Variants in ARHGEF38 observed in about 807,000 individuals in gnomAD.
ARHGEF38 encodes the protein Rho guanine nucleotide exchange factor 38, also known as Rho guanine nucleotide exchange factor (GEF) 38.
In ARHGEF38, 79 loss-of-function variants were observed where a neutral mutation model predicts 79.9. The observed-to-expected ratio is 0.99, with a 90% CI of 0.82 to 1.19. The LOEUF is 1.19. Among genes scored for constraint, ARHGEF38 ranks in the 50% most tolerant of loss-of-function variants. ARHGEF38 has a pLI of 0.00. For synonymous variants in ARHGEF38, 366 were observed against 328.3 expected, an observed-to-expected ratio of 1.11 and a Z score of -1.24; for missense variants, 962 against 907.2, an observed-to-expected ratio of 1.06 and a Z score of -0.78.
At chr4:105,565,107 C>A (rs1488369063) in intron 1 of ARHGEF38, among the ~76,000 whole-genome samples, 1 of 152,156 alleles carries the variant, frequency 6.6e-6, no homozygotes, top group Non-Finnish European at 1.5e-5. Flanking sequence ...TTGTTTAATT[C>A]CTTTTTGAAA....
Position 105,679,372 on chromosome 4 carries a change from C to T in ARHGEF38, c.*1435C>T, listed in dbSNP as rs1731230136. On this transcript the variant is annotated 3_prime_UTR_variant, in exon 14 of 14. Transcript: ENST00000420470. ...CCCATATTTCCTTTCAGGAGGCACA[C>T]TCTGGTAATCTGAGACACTGCATTA... 1.6e-6 allele frequency: 2 copies of T among 1,254,602 alleles called. No individual in the cohort carries two copies. The highest frequency in any genetic ancestry group is 1.2e-5 in the South Asian group (1 of 82,876). 77.7% of individuals were successfully genotyped at this position (1,254,602 alleles called of 1,614,324 possible).
At chr4:105,607,969 A>T (rs79870627) in intron 2 of ARHGEF38, among the ~76,000 whole-genome samples, 8,677 of 142,298 alleles carry the variant, frequency 0.061, 273 homozygotes, top group Admixed American at 0.081. Context: ...GCTTCTATTT[A>T]AAAAAAAATG....
At position 105,631,276 on chromosome 4, in the gene ARHGEF38, C is replaced by T. The variant is rs778790444; in HGVS notation, c.656+231C>T. The T allele has an allele frequency of 8.5e-6, 10 of 1,170,954 alleles. 1 individual carries two copies. The highest frequency in any genetic ancestry group is 1.6e-5 in the African/African-American group (1 of 63,072). The allele number at this position is 1,170,954 out of a possible 1,614,324, so 72.5% of individuals were successfully genotyped here. On this transcript the variant is annotated intron_variant, in intron 4 of 13. Transcript: ENST00000420470. ...ACATGGAAGAAGATTTAGAGCTCTG[C>T]AGCGATTGAAAAATGCAATATCAAA... is the stretch of plus-strand genomic sequence containing the variant.
chr4:105,634,699 G>A (rs998712217), intron 4 of ARHGEF38, among the ~76,000 whole-genome samples: 4 of 143,146 alleles, frequency 2.8e-5, no homozygotes, highest in African/African-American at 1.2e-4. Context: ...TTTTGTAATA[G>A]AAAGAGAATG....
At chr4:105,649,706 C>T (rs539147104) in intron 7 of ARHGEF38, among the ~76,000 whole-genome samples, 2 of 152,282 alleles carry the variant, frequency 1.3e-5, no homozygotes, top group East Asian at 1.9e-4. Context: ...TTGGCAGCTG[C>T]TGTGGTCTTT....
At chr4:105,602,232 G>T (rs1205495507) in intron 2 of ARHGEF38, among the ~76,000 whole-genome samples, 1 of 152,148 alleles carries the variant, frequency 6.6e-6, no homozygotes, top group Non-Finnish European at 1.5e-5. Context: ...AATTCCTTTT[G>T]ATAGTAGCAG....
rs1731259030 is a variant in ARHGEF38, at chr4:105,680,129, G to C, written c.*2192G>C. 1.4e-6 allele frequency: 1 copy of C among 705,736 alleles called. No homozygotes were observed. Among genetic ancestry groups the C allele is most frequent in the African/African-American group, 1.7e-5 (1 of 57,168 alleles). 43.7% of individuals were successfully genotyped at this position (705,736 alleles called of 1,614,324 possible). On this transcript the variant is annotated 3_prime_UTR_variant, in exon 14 of 14. Coordinates refer to ENST00000420470, the MANE Select transcript of ARHGEF38 (RefSeq NM_001242729.2). ...TCTGTGTTTTATAAAGGAGGAAATTGAGGACCTCACATGGAGGGACTGGAA... is the reference window on the plus strand; with the variant it reads ...TCTGTGTTTTATAAAGGAGGAAATTCAGGACCTCACATGGAGGGACTGGAA...
intron 1 of ARHGEF38, among the ~76,000 whole-genome samples, chr4:105,555,842 C>T (rs1030488113): frequency 6.6e-6 from 1 of 152,274 alleles, no homozygotes; most frequent in Admixed American, 6.5e-5. Flanking sequence ...TCTTTTAACT[C>T]ATGATACCTA....
Position 105,552,756 on chromosome 4 carries a change from T to A in ARHGEF38, c.-10T>A. The A allele has an allele frequency of 6.2e-7, 1 of 1,600,426 alleles. No homozygotes were observed. The highest frequency in any genetic ancestry group is 8.5e-7 in the Non-Finnish European group (1 of 1,174,846). On this transcript the variant is annotated 5_prime_UTR_variant, in exon 1 of 14. Transcript: ENST00000420470. Reference sequence around the variant, plus strand: ...TGCCTGCAAGCCTCCAAAGCTTGTCTTTGCCTAATATGGAGCCCAAAGAAG... The same window carrying A: ...TGCCTGCAAGCCTCCAAAGCTTGTCATTGCCTAATATGGAGCCCAAAGAAG...
intron 1 of ARHGEF38, among the ~76,000 whole-genome samples, chr4:105,577,564 G>A (rs1047679777): frequency 6.6e-5 from 10 of 151,592 alleles, no homozygotes; most frequent in East Asian, 1.9e-4. Flanking sequence ...TGTTGTTGTT[G>A]TTGTTGTTGT....
Position 105,667,511 on chromosome 4 carries a change from T to C in ARHGEF38, c.1956T>C (p.Asp652=). The change falls in exon 13 of 14, where the codon GAT becomes GAC. Residue 652 remains aspartate (D), a synonymous_variant. Transcript: ENST00000420470. The part of the protein sequence containing the change: ...PYNPAKMQKV[D]AENRFCDDDF... ...ATCCAGCAAAAATGCAGAAAGTGGA[T>C]GCTGAGAACAGGTTCTGTGACGATG... is the stretch of plus-strand genomic sequence containing the variant. 1 of 1,536,510 alleles carries C rather than the reference T, an allele frequency of 6.5e-7. No homozygotes were observed. The highest frequency in any genetic ancestry group is 8.7e-7 in the Non-Finnish European group (1 of 1,146,990).
intron 3 of ARHGEF38, among the ~76,000 whole-genome samples, chr4:105,628,559 T>A (rs967945843): frequency 6.6e-6 from 1 of 152,242 alleles, no homozygotes; most frequent in Non-Finnish European, 1.5e-5. Flanking sequence ...CCTACACTAG[T>A]TGAAGGATGA....
At chr4:105,673,070 A>T (rs1362132775) in intron 13 of ARHGEF38, among the ~76,000 whole-genome samples, 1 of 152,180 alleles carries the variant, frequency 6.6e-6, no homozygotes, top group Non-Finnish European at 1.5e-5. Context: ...ACTAACTCCG[A>T]GTCAATTTCC....
chr4:105,618,434 C>A (rs1451669468), intron 3 of ARHGEF38, among the ~76,000 whole-genome samples: 1 of 152,076 alleles, frequency 6.6e-6, no homozygotes, highest in Non-Finnish European at 1.5e-5. Context: ...CCAGCCTGAC[C>A]AACATGGTGA....
At chr4:105,566,826 T>A (rs1307412276) in intron 1 of ARHGEF38, among the ~76,000 whole-genome samples, 1 of 151,246 alleles carries the variant, frequency 6.6e-6, no homozygotes, top group African/African-American at 2.4e-5. Context: ...CGATCTTGGC[T>A]CACCGCAACC....
chr4:105,586,622 T>C (rs1727061938), intron 1 of ARHGEF38, among the ~76,000 whole-genome samples: 1 of 152,228 alleles, frequency 6.6e-6, no homozygotes, highest in Admixed American at 6.5e-5. Flanking sequence ...GTTTTAGGGA[T>C]ATTCCTTTGT....
At chr4:105,629,462 C>A (rs1729090753) in intron 3 of ARHGEF38, among the ~76,000 whole-genome samples, 1 of 151,916 alleles carries the variant, frequency 6.6e-6, no homozygotes, top group Admixed American at 6.6e-5. Context: ...ATACTAAGGG[C>A]ACTTTTATTT....
Position 105,679,198 on chromosome 4 carries a change from C to T in ARHGEF38, c.*1261C>T. 1 of 624,442 alleles carries T rather than the reference C, an allele frequency of 1.6e-6. No homozygotes were observed. The highest frequency in any genetic ancestry group is 2.9e-6 in the Non-Finnish European group (1 of 346,786). 38.7% of individuals were successfully genotyped at this position (624,442 alleles called of 1,614,324 possible). A position where few individuals can be genotyped will look rare whatever the true frequency, so the allele number is the denominator to read the frequency against. On this transcript the variant is annotated 3_prime_UTR_variant, in exon 14 of 14. Coordinates refer to ENST00000420470, the MANE Select transcript of ARHGEF38 (RefSeq NM_001242729.2). ...AGATCGACAACCTGACTGGCCTGAC[C>T]AGCCACTCCTCTGTCTGGAATTAAA...
At chr4:105,553,261 C>A (rs1006914994) in intron 1 of ARHGEF38, among the ~76,000 whole-genome samples, 5 of 151,812 alleles carry the variant, frequency 3.3e-5, no homozygotes, top group Admixed American at 3.3e-4. Flanking sequence ...TCTCCCTTCT[C>A]TACCCAACTT....
Sources: allele counts gnomAD v4.1 joint callset (sites outside exome capture counted in the v4.1 genomes callset), GRCh38; gene constraint gnomAD v4.1.1; transcripts MANE v1.5; gene names NCBI Gene and HGNC (gene_info 2026-07-23, HGNC 2026-07-21).